COP1: variants seen among roughly 807,000 people sequenced by gnomAD.
COP1 encodes E3 ubiquitin-protein ligase COP1.
COP1 carries 24 observed loss-of-function variants against 101.3 expected under a neutral mutation model. The observed-to-expected ratio is 0.24, with a 90% confidence interval of 0.17 to 0.33. The LOEUF is 0.33. COP1 is among the 10% of genes least tolerant of loss of function. The pLI is 1.00. For missense variants in COP1, 663 were observed against 906.2 expected (o/e 0.73, Z 3.45); for synonymous variants, 347 against 341.9 (o/e 1.01, Z -0.17).
intron 9 of COP1, among the ~76,000 whole-genome samples, chr1:176,110,339 C>T (rs1439149551): frequency 6.6e-6 from 1 of 152,078 alleles, no homozygotes; most frequent in Non-Finnish European, 1.5e-5. Flanking sequence ...GTTCTTTTAC[C>T]TCATCTTCTA....
At chr1:176,048,195 CT>C (rs10680105) in intron 11 of COP1, among the ~76,000 whole-genome samples, 8,792 of 126,436 alleles carry the variant, frequency 0.07, 320 homozygotes, top group Middle Eastern at 0.14. Context: ...AATTAAAATT[CT>C]TTTTTTTTTT....
At chr1:176,007,760 G>C (rs1267465094) in intron 15 of COP1, among the ~76,000 whole-genome samples, 1 of 152,102 alleles carries the variant, frequency 6.6e-6, no homozygotes, top group Non-Finnish European at 1.5e-5. Context: ...TGTCAGACAG[G>C]GACATTTAAG....
intron 11 of COP1, among the ~76,000 whole-genome samples, chr1:176,072,909 G>A (rs1448462740): frequency 6.6e-6 from 1 of 152,166 alleles, no homozygotes; most frequent in Non-Finnish European, 1.5e-5. Context: ...GATACACAGT[G>A]TCAGAACCTC....
intron 15 of COP1, among the ~76,000 whole-genome samples, chr1:175,995,639 A>C (rs1167919610): frequency 6.6e-6 from 1 of 152,264 alleles, no homozygotes; most frequent in African/African-American, 2.4e-5. Context: ...ATAAACTTGA[A>C]AATCTAGAAC....
intron 14 of COP1, among the ~76,000 whole-genome samples, chr1:176,033,103 A>C (rs978431379): frequency 1.3e-5 from 2 of 152,176 alleles, no homozygotes; most frequent in African/African-American, 4.8e-5. Context: ...GCATTAACTT[A>C]TGCAACTAAG....
At position 175,997,862 on chromosome 1, in the gene COP1, C is replaced by G. The variant is rs551341508; in HGVS notation, c.1730-8383G>C. Among the ~76,000 whole-genome samples, 381 of 152,024 alleles carry G rather than the reference C, an allele frequency of 2.5e-3. 2 individuals carry two copies. The highest frequency in any genetic ancestry group is 9.0e-3 in the African/African-American group (372 of 41,442). On this transcript the variant is annotated intron_variant, in intron 15 of 19. Transcript: ENST00000367669. Reference sequence around the variant, plus strand: ...GTGGCAATTCCTCAGGGATCTAGAACTAGAAATACCATTTGACCCAGCCAT... The same window carrying G: ...GTGGCAATTCCTCAGGGATCTAGAAGTAGAAATACCATTTGACCCAGCCAT...
chr1:176,023,495 G>A (rs921030678), intron 15 of COP1, among the ~76,000 whole-genome samples: 2 of 151,870 alleles, frequency 1.3e-5, no homozygotes, highest in African/African-American at 2.4e-5. Flanking sequence ...GAGGCGGGTG[G>A]ATCACCTGAG....
intron 14 of COP1, among the ~76,000 whole-genome samples, chr1:176,028,200 A>G (rs1051646518): frequency 4.6e-4 from 70 of 152,170 alleles, no homozygotes; most frequent in African/African-American, 1.6e-3. Flanking sequence ...CAGCCAAACC[A>G]TATCACTGAA....
At chr1:176,045,636 CA>C (rs1671396564) in intron 12 of COP1, among the ~76,000 whole-genome samples, 1 of 147,750 alleles carries the variant, frequency 6.8e-6, no homozygotes, top group South Asian at 2.1e-4. Context: ...TTTTGGGGAG[CA>C]GATCAGGAGT....
chr1:176,096,555 C>A (rs1033402195), intron 9 of COP1, among the ~76,000 whole-genome samples: 1 of 152,182 alleles, frequency 6.6e-6, no homozygotes, highest in African/African-American at 2.4e-5. Flanking sequence ...TTGGTCTGAG[C>A]CAGGGGGAAA....
chr1:176,126,646 G>T (rs1688039380), intron 8 of COP1, among the ~76,000 whole-genome samples: 2 of 152,040 alleles, frequency 1.3e-5, no homozygotes, highest in South Asian at 4.1e-4. Flanking sequence ...TACAGACGAG[G>T]TTTCACCATG....
At chr1:176,007,017 G>A (rs1411688384) in intron 15 of COP1, among the ~76,000 whole-genome samples, 2 of 151,966 alleles carry the variant, frequency 1.3e-5, no homozygotes, top group Admixed American at 6.6e-5. Flanking sequence ...TTTTCACATA[G>A]TCCCGTATTT....
chr1:176,008,997 T>C (rs190882164), intron 15 of COP1, among the ~76,000 whole-genome samples: 1 of 152,342 alleles, frequency 6.6e-6, no homozygotes, highest in East Asian at 1.9e-4. Context: ...CACTTCCTGC[T>C]TACACAGAGC....
chr1:176,029,388 A>T (rs1454939451), intron 14 of COP1, among the ~76,000 whole-genome samples: 1 of 152,216 alleles, frequency 6.6e-6, no homozygotes, highest in Non-Finnish European at 1.5e-5. Flanking sequence ...AGAAGCAGAA[A>T]ATGAGTTGCC....
Position 176,151,270 on chromosome 1 carries a change from A to AAAGG in COP1, c.763-2200_763-2197dup, listed in dbSNP as rs553409824. 2.2e-4 allele frequency among the ~76,000 whole-genome samples: 33 copies of AAAGG among 150,582 alleles called. 1 individual carries two copies. The East Asian group carries it at 2.7e-3, about 12-fold the overall frequency. ...AAGAAAGAAAGAGAGAAAGAAAGAAAAAGGAAGGAAGGAAGGAAGGAGAGA... is the reference window on the plus strand; with the variant it reads ...AAGAAAGAAAGAGAGAAAGAAAGAAAAAGGAAGGAAGGAAGGAAGGAAGGAGAGA... On this transcript the variant is annotated intron_variant, in intron 5 of 19. Transcript: ENST00000367669.
At chr1:175,980,135 C>T (rs1334695114) in intron 18 of COP1, among the ~76,000 whole-genome samples, 2 of 151,984 alleles carry the variant, frequency 1.3e-5, no homozygotes, top group African/African-American at 2.4e-5. Context: ...ACTGAAGCAC[C>T]GTGTGGTTAA....
At position 176,130,877 on chromosome 1, in the gene COP1, A is replaced by G. The variant is rs190348735; in HGVS notation, c.968+4133T>C. Among the ~76,000 whole-genome samples, 290 of 151,930 alleles carry G rather than the reference A, an allele frequency of 1.9e-3. 3 individuals carry two copies. The highest frequency in any genetic ancestry group is 6.7e-3 in the African/African-American group (280 of 41,532). On this transcript the variant is annotated intron_variant, in intron 8 of 19. Transcript: ENST00000367669. ...TAGAAACAGAATCAAAATAAGTAGA[A>G]ATCTTTACAAAACAAAACAAGTGGT... is the stretch of plus-strand genomic sequence containing the variant.
At chr1:176,002,456 T>G (rs1194240973) in intron 15 of COP1, among the ~76,000 whole-genome samples, 1 of 151,962 alleles carries the variant, frequency 6.6e-6, no homozygotes, top group African/African-American at 2.4e-5. Context: ...CTGCACCCAC[T>G]AACTCGTCAC....
intron 8 of COP1, among the ~76,000 whole-genome samples, chr1:176,131,431 T>C (rs1455173642): frequency 1.3e-5 from 2 of 151,772 alleles, no homozygotes; most frequent in African/African-American, 4.8e-5. Flanking sequence ...GCTTTTCTTT[T>C]TCATTTAAAT....
Sources: gnomAD v4.1 joint callset for allele counts (sites outside exome capture counted in the v4.1 genomes callset) on GRCh38, gnomAD v4.1.1 for gene constraint, MANE v1.5 for transcripts, NCBI Gene and HGNC (gene_info 2026-07-23, HGNC 2026-07-21) for gene names.